PLK2: variants seen among roughly 807,000 people sequenced by gnomAD.
The protein encoded by PLK2 is serine/threonine-protein kinase PLK2.
In PLK2, 25 loss-of-function variants were observed where a neutral mutation model predicts 78.1. The ratio of observed to expected loss-of-function variants is 0.32; its 90% confidence interval spans 0.23 to 0.45. The LOEUF is 0.45. Ranked by LOEUF, PLK2 falls within the 20% of genes least tolerant of loss-of-function variation. The pLI is 1.00. For synonymous variants in PLK2, 332 were observed against 298.2 expected (o/e 1.11, Z -1.17); for missense variants, 566 against 840.2 (o/e 0.67, Z 4.04).
At position 58,459,880 on chromosome 5, in the gene PLK2, C is replaced by G; in HGVS notation, c.80G>C (p.Gly27Ala). ...CGGCCGCTTCTTCTTCGAGTCCGCT[C>G]CGCAACCCTTGCCCAGCGCCTGCTC... ...MCEQALGKGC[G>A]ADSKKKRPPQ... The change falls in exon 1 of 14, where the codon GGA becomes GCA. Residue 27 changes from glycine (G) to alanine (A), a missense_variant. By Grantham distance (60) the Gly-to-Ala change is moderately conservative. This residue lies in a region of PLK2 where 127 missense variants were observed against 122.5 expected (regional missense o/e 1.04). Transcript: ENST00000274289. 6 of 1,611,862 alleles carry G rather than the reference C, an allele frequency of 3.7e-6. No homozygotes were observed. Among genetic ancestry groups the G allele is most frequent in the Non-Finnish European group, 4.2e-6 (5 of 1,179,792 alleles).
chr5:58,455,442 A>T, intron 11 of PLK2, 28 bp from the exon 12 acceptor site: 1 of 1,612,580 alleles, frequency 6.2e-7, no homozygotes, highest in Non-Finnish European at 8.5e-7. Flanking sequence ...AAAGGGAGAG[A>T]AGAGGAAAAA....
chr5:58,455,185 G>A lies in PLK2; in HGVS notation c.1755+100C>T, dbSNP rs1258924712. Reference sequence around the variant, plus strand: ...TTCTGATTCAGTACACCAACGGTAGGTCAGGAGAATCTGTTTCTAACAAGC... The same window carrying A: ...TTCTGATTCAGTACACCAACGGTAGATCAGGAGAATCTGTTTCTAACAAGC... On this transcript the variant is annotated intron_variant, in intron 12 of 13. Transcript: ENST00000274289. 2.2e-6 allele frequency: 3 copies of A among 1,394,244 alleles called. No individual in the cohort carries two copies. The African/African-American group carries it at 4.3e-5, about 20-fold the overall frequency. 86.4% of individuals were successfully genotyped at this position (1,394,244 alleles called of 1,614,324 possible). A position where few individuals can be genotyped will look rare whatever the true frequency, so the allele number is the denominator to read the frequency against.
intron 4 of PLK2, 87 bp downstream of exon 4, chr5:58,458,312 C>A (rs1174344563): frequency 3.5e-6 from 5 of 1,444,898 alleles, no homozygotes; most frequent in Non-Finnish European, 4.9e-6. Context: ...CACGAGATCC[C>A]AATTAAGAAC....
intron 10 of PLK2, 73 bp downstream of exon 10, chr5:58,455,953 G>T: frequency 1.3e-6 from 2 of 1,515,928 alleles, no homozygotes; most frequent in South Asian, 1.3e-5. Flanking sequence ...AAAGTAAATT[G>T]ACTTAAATTA....
intron 4 of PLK2, 27 bp downstream of exon 4, chr5:58,458,372 A>T (rs749981029): frequency 1.4e-5 from 22 of 1,611,364 alleles, no homozygotes; most frequent in Non-Finnish European, 1.5e-5. Flanking sequence ...CTAACACAAA[A>T]CTCAGCTTTT....
Position 58,459,895 on chromosome 5 carries a change from A to G in PLK2, c.65T>C (p.Leu22Pro), listed in dbSNP as rs759812128. Residue 22 changes from leucine (L) to proline (P), a missense_variant, in exon 1 of 14, where the codon CTG (leucine) becomes CCG (proline). Transcript: ENST00000274289. ...AASTKMCEQA[L>P]GKGCGADSKK... Reference sequence around the variant, plus strand: ...CGAGTCCGCTCCGCAACCCTTGCCCAGCGCCTGCTCGCACATTTTGGTGCT... The same window carrying G: ...CGAGTCCGCTCCGCAACCCTTGCCCGGCGCCTGCTCGCACATTTTGGTGCT... 3 of 1,612,062 alleles carry G rather than the reference A, an allele frequency of 1.9e-6. No homozygotes were observed. Among genetic ancestry groups the G allele is most frequent in the Non-Finnish European group, 2.5e-6 (3 of 1,179,688 alleles).
At chr5:58,456,702 C>CTTTTA (rs1743614943) in intron 8 of PLK2, 113 bp from the exon 9 acceptor site, 1 of 731,298 alleles carries the variant, frequency 1.4e-6, no homozygotes, top group East Asian at 2.6e-5. Flanking sequence ...GCATCCTGGG[C>CTTTTA]AAAAATAGCA....
chr5:58,455,790 A>C lies in PLK2; in HGVS notation c.1385-11T>G. 6.2e-7 allele frequency: 1 copy of C among 1,611,710 alleles called. No homozygotes were observed. On this transcript the variant is annotated splice_polypyrimidine_tract_variant and intron_variant, in intron 10 of 13. Transcript: ENST00000274289. Reference sequence around the variant, plus strand: ...TACTGTCTTCAAGGCCTGAAAAGTCAGACAGAAATGTTTCAAGTTATACAA... The same window carrying C: ...TACTGTCTTCAAGGCCTGAAAAGTCCGACAGAAATGTTTCAAGTTATACAA...
intron 1 of PLK2, 87 bp downstream of exon 1, chr5:58,459,603 G>T: frequency 1.7e-6 from 2 of 1,200,822 alleles, no homozygotes; most frequent in Non-Finnish European, 2.3e-6. Flanking sequence ...GAAGCGGCGG[G>T]CGAGGGACCC....
At chr5:58,459,386 A>C in intron 1 of PLK2, 1 of 563,042 alleles carries the variant, frequency 1.8e-6, no homozygotes, top group Non-Finnish European at 3.1e-6. Flanking sequence ...ACTTGTCAGG[A>C]AAATTCCCTG....
intron 12 of PLK2, 70 bp downstream of exon 12, chr5:58,455,215 A>G: frequency 6.5e-7 from 1 of 1,542,556 alleles, no homozygotes; most frequent in Non-Finnish European, 8.9e-7. Context: ...ACAAGCTTCA[A>G]AGTGATGCAG....
rs374104530 is a variant in PLK2 at position 58,456,915 on chromosome 5, G to A, written c.1156+30C>T. Reference sequence around the variant, plus strand: ...CAAATTTAAATATAATATTGGGTACGAAAAAGGAAAAGAAGTCTTGTTAAC... The same window carrying A: ...CAAATTTAAATATAATATTGGGTACAAAAAAGGAAAAGAAGTCTTGTTAAC... On this transcript the variant is annotated intron_variant, in intron 8 of 13. Transcript: ENST00000274289. 1.3e-5 allele frequency: 19 copies of A among 1,461,948 alleles called. No homozygotes were observed. The African/African-American group carries it at 1.6e-4, about 12-fold the overall frequency. The allele number at this position is 1,461,948 out of a possible 1,614,324, so 90.6% of individuals were successfully genotyped here.
intron 8 of PLK2, 67 bp from the exon 9 acceptor site, chr5:58,456,656 T>C: frequency 9.7e-7 from 1 of 1,032,218 alleles, no homozygotes; most frequent in Non-Finnish European, 1.5e-6. Flanking sequence ...GGGTTAGTCA[T>C]ATTTTCTCCT....
At position 58,455,312 on chromosome 5, in the gene PLK2, A is replaced by G; in HGVS notation, c.1728T>C (p.Ser576=). 1 of 1,614,160 alleles carries G rather than the reference A, an allele frequency of 6.2e-7. No homozygotes were observed. Among genetic ancestry groups the G allele is most frequent in the Non-Finnish European group, 8.5e-7 (1 of 1,179,994 alleles). The part of the protein sequence containing the change: ...ISQVTVLKYF[S]HYMEENLMDG... ...CCATGAGGTTCTCCTCCATGTAATGAGAAAAGTATTTCAGCACCGTCACTT... is the reference window on the plus strand; with the variant it reads ...CCATGAGGTTCTCCTCCATGTAATGGGAAAAGTATTTCAGCACCGTCACTT... Residue 576 remains serine (S), a synonymous_variant, in exon 12 of 14, where the codon TCT becomes TCC. Transcript: ENST00000274289.
At chr5:58,456,736 G>T in intron 8 of PLK2, 147 bp from the exon 9 acceptor site, 1 of 648,538 alleles carries the variant, frequency 1.5e-6, no homozygotes. Context: ...TTTAGCTGCA[G>T]CTACCCCCAA....
chr5:58,455,627 TGTTAGA>T lies in PLK2; in HGVS notation c.1531_1536del (p.Ser511_Asn512del). On this transcript the variant is annotated inframe_deletion, in exon 11 of 14. Coordinates refer to ENST00000274289, the MANE Select transcript of PLK2 (RefSeq NM_006622.4). Reference sequence around the variant, plus strand: ...GAGAGCTGGTACCCAAAGCCATATTTGTTAGAGTAATCAACCCATTTGGTGACCCAC... The same window carrying T: ...GAGAGCTGGTACCCAAAGCCATATTTGTAATCAACCCATTTGGTGACCCAC... 1 of 1,614,044 alleles carries T rather than the reference TGTTAGA, an allele frequency of 6.2e-7. No individual in the cohort carries two copies. The highest frequency in any genetic ancestry group is 1.1e-5 in the South Asian group (1 of 91,084).
intron 6 of PLK2, 46 bp downstream of exon 6, chr5:58,457,442 T>C: frequency 6.3e-7 from 1 of 1,582,400 alleles, no homozygotes; most frequent in Non-Finnish European, 8.7e-7. Context: ...AGTGTTAAAA[T>C]CTAAATCCGA....
chr5:58,459,931 T>C lies in PLK2; in HGVS notation c.29A>G (p.Gln10Arg), dbSNP rs1398734586. The C allele has an allele frequency of 6.2e-7, 1 of 1,610,588 alleles. No homozygotes were observed. The highest frequency in any genetic ancestry group is 1.7e-5 in the Admixed American group (1 of 59,946). The change falls in exon 1 of 14, where the codon CAG becomes CGG. Residue 10 changes from glutamine to arginine, a missense_variant. Coordinates refer to ENST00000274289, the MANE Select transcript of PLK2 (RefSeq NM_006622.4). Reference sequence around the variant, plus strand: ...GCACATTTTGGTGCTGGCGGCTGGCTGGTAGGTGATAGTCCGCAAAAGCTC... The same window carrying C: ...GCACATTTTGGTGCTGGCGGCTGGCCGGTAGGTGATAGTCCGCAAAAGCTC... MELLRTITY[Q>R]PAASTKMCEQ...
At position 58,455,384 on chromosome 5, in the gene PLK2, T is replaced by C. The variant is rs772768111; in HGVS notation, c.1656A>G (p.Gln552=). The change falls in exon 12 of 14, where the codon CAA becomes CAG. Residue 552 remains glutamine (Q), a synonymous_variant. Coordinates refer to ENST00000274289, the MANE Select transcript of PLK2 (RefSeq NM_006622.4). ...KTVHYYAELG[Q]CSVFPATDAP... Reference sequence around the variant, plus strand: ...CATCTGTTGCTGGGAAAACTGAGCATTGGCCAAGCTCTGCGTAATAGTGAA... The same window carrying C: ...CATCTGTTGCTGGGAAAACTGAGCACTGGCCAAGCTCTGCGTAATAGTGAA... 6 of 1,613,874 alleles carry C rather than the reference T, an allele frequency of 3.7e-6. No homozygotes were observed. Among genetic ancestry groups the C allele is most frequent in the Middle Eastern group, 1.6e-4 (1 of 6,084 alleles).
Sources: allele counts gnomAD v4.1 joint callset, GRCh38; gene constraint gnomAD v4.1.1; regional missense constraint gnomAD v4.1.1; transcripts MANE v1.5; gene names NCBI Gene and HGNC (gene_info 2026-07-23, HGNC 2026-07-21).